RSF1: variants seen among roughly 807,000 people sequenced by gnomAD.
The protein encoded by RSF1 is remodeling and spacing factor 1.
A neutral mutation model predicts 145.2 loss-of-function variants in RSF1; 13 were observed. The observed-to-expected ratio is 0.09, with a 90% CI of 0.06 to 0.14. The LOEUF (loss-of-function observed/expected upper bound fraction) is 0.14. Ranked by LOEUF, RSF1 falls within the 10% of genes least tolerant of loss-of-function variation. The probability of loss-of-function intolerance (pLI) is 1.00; values close to 1 mark genes in which losing one functional copy is unlikely to be tolerated. For missense variants in RSF1, 1,517 were observed against 1,718.2 expected (o/e 0.88, Z 2.07); for synonymous variants, 577 against 592.6 (o/e 0.97, Z 0.38).
In RSF1 at chr11:77,685,137, C is replaced by A; in HGVS notation, c.2923G>T (p.Gly975Cys). The change falls in exon 10 of 16, where the codon GGT becomes TGT. Residue 975 changes from glycine (G) to cysteine (C), a missense_variant. By Grantham distance (159) the Gly-to-Cys change is radical. Coordinates refer to ENST00000308488, the MANE Select transcript of RSF1 (RefSeq NM_016578.4). Reference protein sequence around the residue: ...ERRKERLVYVGISIENIIPPQ... With the variant: ...ERRKERLVYVCISIENIIPPQ... ...GGAATGATGTTTTCAATACTGATACCAACATACACCAAGCGTTCTTTTCTT... is the reference window on the plus strand; with the variant it reads ...GGAATGATGTTTTCAATACTGATACAAACATACACCAAGCGTTCTTTTCTT... The A allele has an allele frequency of 6.4e-7, 1 of 1,561,754 alleles. No homozygotes were observed. The highest frequency in any genetic ancestry group is 8.7e-7 in the Non-Finnish European group (1 of 1,154,104).
chr11:77,838,225 TGTTA>T, the RSF1 span, among the ~76,000 whole-genome samples: 2 of 152,222 alleles, frequency 1.3e-5, no homozygotes, highest in African/African-American at 2.4e-5. Flanking sequence ...AGACTGTGAC[TGTTA>T]GTTTTATGTG....
At position 77,701,929 on chromosome 11, in the gene RSF1, A is replaced by T; in HGVS notation, c.1300T>A (p.Leu434Met). ...TCKRISTITA[L>M]GHEGKQLVNG... ...ACCAGCTGTTTCCCTTCATGACCCA[A>T]AGCAGTGATTGTAGAGATCCTTTTA... is the stretch of plus-strand genomic sequence containing the variant. The change falls in exon 6 of 16, where the codon TTG becomes ATG. Residue 434 changes from leucine (L) to methionine (M), a missense_variant. Physicochemically the swap from Leu to Met is conservative, Grantham distance 15. Coordinates refer to ENST00000308488, the MANE Select transcript of RSF1 (RefSeq NM_016578.4). 1 of 1,613,664 alleles carries T rather than the reference A, an allele frequency of 6.2e-7. No individual in the cohort carries two copies. The highest frequency in any genetic ancestry group is 8.5e-7 in the Non-Finnish European group (1 of 1,179,870).
At chr11:77,823,621 CAAAAAAAAA>C (rs397970373), upstream of RSF1, among the ~76,000 whole-genome samples, 2 of 97,646 alleles carry the variant, frequency 2.0e-5, no homozygotes, top group East Asian at 3.0e-4. Flanking sequence ...CACCCTGTCT[CAAAAAAAAA>C]AAAAAAAAAA....
At chr11:77,678,062 G>A (rs760218271) in intron 12 of RSF1, 24 bp downstream of exon 12, 2 of 1,584,942 alleles carry the variant, frequency 1.3e-6, no homozygotes, top group Non-Finnish European at 1.7e-6. Flanking sequence ...GTTCTATGAA[G>A]AAGAGAGAAC....
At chr11:77,833,810 C>T in the RSF1 span, among the ~76,000 whole-genome samples, 11 of 152,140 alleles carry the variant, frequency 7.2e-5, no homozygotes. Context: ...TCTATCATTC[C>T]ATCTAGATTT....
intron 1 of RSF1, among the ~76,000 whole-genome samples, chr11:77,777,752 A>C (rs1393286257): frequency 2.6e-5 from 4 of 152,054 alleles, no homozygotes; most frequent in Admixed American, 2.6e-4. Flanking sequence ...CGAGAGACTC[A>C]GACAGGAGGA....
rs1959315599 is a variant in RSF1, at chr11:77,664,562, A to G, written c.*2355T>C. 6.6e-6 allele frequency: 1 copy of G among 152,234 alleles called. No individual in the cohort carries two copies. Among genetic ancestry groups the G allele is most frequent in the South Asian group, 2.1e-4 (1 of 4,828 alleles). The allele number at this position is 152,234 out of a possible 1,614,324, so 9.4% of individuals were successfully genotyped here. ...ACTTGGCTTAACTGAGGAATAGAAT[A>G]GGTGGAAGAAGGAGCTGGTGTGTCC... On this transcript the variant is annotated 3_prime_UTR_variant, in exon 16 of 16. Transcript: ENST00000308488.
chr11:77,713,400 G>GT (rs1960732097), intron 5 of RSF1, among the ~76,000 whole-genome samples: 2 of 151,912 alleles, frequency 1.3e-5, no homozygotes, highest in African/African-American at 4.8e-5. Context: ...AAGCACTGAT[G>GT]TCAAAAAGAG....
At chr11:77,682,631 C>T (rs1168086384) in intron 11 of RSF1, among the ~76,000 whole-genome samples, 1 of 152,208 alleles carries the variant, frequency 6.6e-6, no homozygotes, top group African/African-American at 2.4e-5. Context: ...GGAGCATTAA[C>T]TATCTGTCAG....
intron 1 of RSF1, among the ~76,000 whole-genome samples, chr11:77,808,084 A>G (rs571106361): frequency 6.6e-6 from 1 of 152,332 alleles, no homozygotes; most frequent in African/African-American, 2.4e-5. Context: ...CTGTAATCCC[A>G]GCACTTTGGG....
chr11:77,773,886 G>C (rs1219728410), intron 1 of RSF1, among the ~76,000 whole-genome samples: 1 of 152,174 alleles, frequency 6.6e-6, no homozygotes. Context: ...TGATAATTAA[G>C]AGAAAACAAT....
intron 3 of RSF1, among the ~76,000 whole-genome samples, chr11:77,741,353 G>A (rs778489897): frequency 6.6e-6 from 1 of 152,044 alleles, no homozygotes; most frequent in Admixed American, 6.6e-5. Flanking sequence ...GGCTAGCCTG[G>A]GCAACATGGT....
chr11:77,830,460 A>C, the RSF1 span, among the ~76,000 whole-genome samples: 7 of 151,624 alleles, frequency 4.6e-5, no homozygotes, highest in African/African-American at 1.5e-4. Flanking sequence ...GCCGTGAATC[A>C]AACTGCTGAC....
intron 9 of RSF1, among the ~76,000 whole-genome samples, chr11:77,688,690 T>TG (rs1177074756): frequency 6.6e-6 from 1 of 152,046 alleles, no homozygotes; most frequent in Non-Finnish European, 1.5e-5. Flanking sequence ...CTTGGGAGGC[T>TG]GGGGCAGGAG....
intron 1 of RSF1, among the ~76,000 whole-genome samples, chr11:77,787,749 A>T (rs1948471262): frequency 6.6e-6 from 1 of 151,988 alleles, no homozygotes; most frequent in African/African-American, 2.4e-5. Flanking sequence ...GAATATAAAA[A>T]TATCCAGCAT....
At chr11:77,816,911 A>AT (rs1948787034) in intron 1 of RSF1, among the ~76,000 whole-genome samples, 1 of 152,192 alleles carries the variant, frequency 6.6e-6, no homozygotes, top group Non-Finnish European at 1.5e-5. Flanking sequence ...ATAAATCTAA[A>AT]TTTTTTGTTG....
chr11:77,720,785 C>A (rs1960924771), intron 5 of RSF1, among the ~76,000 whole-genome samples: 1 of 152,188 alleles, frequency 6.6e-6, no homozygotes, highest in Admixed American at 6.5e-5. Context: ...TCTAGATGAT[C>A]TGGAACCAGT....
At chr11:77,842,506 C>A in the RSF1 span, 2 of 1,613,384 alleles carry the variant, frequency 1.2e-6, no homozygotes, top group South Asian at 2.2e-5. Context: ...TATGACTTCC[C>A]CTGAAATTGC....
chr11:77,692,445 C>T (rs1416730249), intron 8 of RSF1, among the ~76,000 whole-genome samples: 2 of 106,118 alleles, frequency 1.9e-5, no homozygotes, highest in African/African-American at 9.3e-5. Context: ...GGGGTTTCAC[C>T]GTTTTAGCCA....
Sources: allele counts gnomAD v4.1 joint callset (sites outside exome capture counted in the v4.1 genomes callset), GRCh38; gene constraint gnomAD v4.1.1; transcripts MANE v1.5; gene names NCBI Gene and HGNC (gene_info 2026-07-23, HGNC 2026-07-21).